ACSL3: variants seen among roughly 807,000 people sequenced by gnomAD.
ACSL3 encodes the protein acyl-CoA synthetase long chain family member 3, also known as fatty acid CoA ligase Acsl3.
ACSL3 carries 34 observed loss-of-function variants against 84.7 expected under a neutral mutation model. The observed-to-expected ratio is 0.40, with a 90% CI of 0.31 to 0.53. ACSL3 has a LOEUF of 0.53. Ranked by LOEUF, ACSL3 falls within the 20% of genes least tolerant of loss-of-function variation. The probability of loss-of-function intolerance (pLI) is 0.48; values close to 1 mark genes in which losing one functional copy is unlikely to be tolerated. For synonymous variants in ACSL3, 315 were observed against 299.4 expected, an observed-to-expected ratio of 1.05 and a Z score of -0.54; for missense variants, 680 against 873.1, an observed-to-expected ratio of 0.78 and a Z score of 2.79.
At chr2:222,907,665 T>C (rs916472116) in intron 3 of ACSL3, among the ~76,000 whole-genome samples, 7 of 151,556 alleles carry the variant, frequency 4.6e-5, no homozygotes, top group African/African-American at 7.3e-5. Flanking sequence ...TTTGGGAGGC[T>C]GAGGAGAGAG....
intron 1 of ACSL3, among the ~76,000 whole-genome samples, chr2:222,887,579 G>A (rs944883673): frequency 3.3e-5 from 5 of 152,160 alleles, no homozygotes; most frequent in Admixed American, 2.6e-4. Context: ...CAAGCATTGG[G>A]TGGTGTTAGT....
chr2:222,880,655 T>C lies in ACSL3; in HGVS notation c.-206-7175T>C, dbSNP rs562953757. Among the ~76,000 whole-genome samples the C allele has an allele frequency of 4.5e-4, 68 of 151,676 alleles. 1 individual carries two copies. The highest frequency in any genetic ancestry group is 2.2e-3 in the Admixed American group (34 of 15,214). On this transcript the variant is annotated intron_variant, in intron 1 of 16. Coordinates refer to ENST00000357430, the MANE Select transcript of ACSL3 (RefSeq NM_004457.5). ...CATCCTGGCTAACACGGTGAAACCCTGTCTCTACTAAAAATAAAAAAAAAA... is the reference window on the plus strand; with the variant it reads ...CATCCTGGCTAACACGGTGAAACCCCGTCTCTACTAAAAATAAAAAAAAAA...
At chr2:222,926,886 T>C (rs1696894860) in intron 11 of ACSL3, 131 bp from the exon 12 acceptor site, 2 of 917,138 alleles carry the variant, frequency 2.2e-6, no homozygotes, top group African/African-American at 1.7e-5. Flanking sequence ...ACTCTCCAAA[T>C]TGGCTGTGTG....
At chr2:222,933,654 C>A in intron 15 of ACSL3, 3 of 161,136 alleles carry the variant, frequency 1.9e-5, no homozygotes, top group Admixed American at 6.3e-5. Context: ...GTGCTGCTTA[C>A]TTACTCCTGC....
chr2:222,885,646 T>C (rs1018431957), intron 1 of ACSL3, among the ~76,000 whole-genome samples: 1 of 152,162 alleles, frequency 6.6e-6, no homozygotes, highest in Admixed American at 6.5e-5. Context: ...ATTTCTAAGT[T>C]ATTTCCCCCC....
chr2:222,927,002 A>G lies in ACSL3; in HGVS notation c.1293-15A>G. 2 of 1,607,316 alleles carry G rather than the reference A, an allele frequency of 1.2e-6. No individual in the cohort carries two copies. The highest frequency in any genetic ancestry group is 1.7e-4 in the Middle Eastern group (1 of 6,044). On this transcript the variant is annotated splice_polypyrimidine_tract_variant and intron_variant, in intron 11 of 16. Transcript: ENST00000357430. ...CAGTTTTAAAATCCTGTGGTTCTCT[A>G]ATTTTTTTCTTTAGCTTTGTTTTCC...
chr2:222,940,899 A>AT (rs1697287561), intron 16 of ACSL3, among the ~76,000 whole-genome samples: 1 of 151,270 alleles, frequency 6.6e-6, no homozygotes, highest in African/African-American at 2.4e-5. Context: ...GTCTAAATGT[A>AT]ATTTTTTTTT....
chr2:222,917,129 C>T (rs1000329082), intron 5 of ACSL3, among the ~76,000 whole-genome samples: 6 of 152,076 alleles, frequency 3.9e-5, no homozygotes, highest in Admixed American at 1.3e-4. Flanking sequence ...CTCACTCTGT[C>T]GCCAGGCTGG....
intron 16 of ACSL3, 46 bp from the exon 17 acceptor site, chr2:222,941,451 G>A (rs1055196479): frequency 1.3e-6 from 2 of 1,517,412 alleles, no homozygotes; most frequent in Non-Finnish European, 1.8e-6. Context: ...CATTTGCTAA[G>A]AACTTAAATA....
At chr2:222,906,677 CTA>C (rs1696301830) in intron 3 of ACSL3, among the ~76,000 whole-genome samples, 1 of 150,782 alleles carries the variant, frequency 6.6e-6, no homozygotes, top group African/African-American at 2.4e-5. Context: ...TGCAGTGGCG[CTA>C]TCTCTGCTCA....
intron 1 of ACSL3, among the ~76,000 whole-genome samples, chr2:222,868,986 T>A (rs1440179409): frequency 3.3e-5 from 5 of 149,264 alleles, no homozygotes; most frequent in Non-Finnish European, 6.0e-5. Context: ...AAAAAAAAAA[T>A]TAGGATTTAT....
intron 2 of ACSL3, among the ~76,000 whole-genome samples, chr2:222,891,433 G>A (rs1574530638): frequency 6.6e-6 from 1 of 152,186 alleles, no homozygotes; most frequent in African/African-American, 2.4e-5. Flanking sequence ...ATATGCATGT[G>A]TGTATATGTA....
intron 1 of ACSL3, among the ~76,000 whole-genome samples, chr2:222,874,189 A>AT (rs1038610019): frequency 2.0e-5 from 3 of 151,712 alleles, no homozygotes; most frequent in African/African-American, 4.8e-5. Flanking sequence ...CACCCGGCTC[A>AT]TTTTTTTGTA....
chr2:222,907,550 C>A (rs1489424408), intron 3 of ACSL3, among the ~76,000 whole-genome samples: 1 of 151,994 alleles, frequency 6.6e-6, no homozygotes, highest in African/African-American at 2.4e-5. Flanking sequence ...TGCTTGAAGC[C>A]AGGAGTTTGA....
At chr2:222,861,956 A>G (rs1187592172) in intron 1 of ACSL3, among the ~76,000 whole-genome samples, 1 of 152,096 alleles carries the variant, frequency 6.6e-6, no homozygotes, top group Admixed American at 6.5e-5. Flanking sequence ...TTCACAGATG[A>G]GGAGCCCGAG....
chr2:222,905,178 GA>G (rs1574542939), intron 3 of ACSL3: 1 of 152,824 alleles, frequency 6.5e-6, no homozygotes, highest in African/African-American at 2.4e-5. Context: ...TATGTTTTTT[GA>G]GACAGGGTCT....
rs1348159399 is a variant in ACSL3 at position 222,922,845 on chromosome 2, C to T, written c.1080+14C>T. The stretch of plus-strand genomic sequence containing the variant: ...TTAGCAGATCAGGTAAGTTCAGTGT[C>T]TGTGACTTGAAATACTAAAAAATCA... On this transcript the variant is annotated intron_variant, in intron 9 of 16. Transcript: ENST00000357430. 3.7e-5 allele frequency: 59 copies of T among 1,613,242 alleles called. No homozygotes were observed. Among genetic ancestry groups the T allele is most frequent in the Non-Finnish European group, 4.9e-5 (58 of 1,179,730 alleles).
intron 1 of ACSL3, among the ~76,000 whole-genome samples, chr2:222,866,389 C>T (rs1695141194): frequency 6.6e-6 from 1 of 152,202 alleles, no homozygotes. Flanking sequence ...TTGTGATCCG[C>T]CCGCCTCGCC....
At chr2:222,904,898 T>C (rs915908695) in intron 3 of ACSL3, 3 of 153,690 alleles carry the variant, frequency 2.0e-5, no homozygotes, top group African/African-American at 7.2e-5. Context: ...GATGTCAGAA[T>C]TTTCTTGATG....
Sources: allele counts gnomAD v4.1 joint callset (sites outside exome capture counted in the v4.1 genomes callset), GRCh38; gene constraint gnomAD v4.1.1; transcripts MANE v1.5; gene names NCBI Gene and HGNC (gene_info 2026-07-23, HGNC 2026-07-21).